The following CNGB3 variants were observed in gnomAD, a reference collection of about 807,000 sequenced individuals.
CNGB3 encodes the protein cyclic nucleotide gated channel subunit beta 3, also known as cyclic nucleotide-gated channel beta-3.
CNGB3 carries 86 observed loss-of-function variants against 92.8 expected under a neutral mutation model. That is an observed-to-expected ratio of 0.93 (90% CI 0.78 to 1.11). The LOEUF (loss-of-function observed/expected upper bound fraction) is 1.11, where lower values mean the gene tolerates loss of function less well. Among genes scored for constraint, CNGB3 ranks in the 50% least tolerant of loss-of-function variants. The probability of loss-of-function intolerance (pLI) is 0.00; values close to 1 mark genes in which losing one functional copy is unlikely to be tolerated. For synonymous variants in CNGB3, 333 were observed against 332.7 expected (o/e 1.00, Z -0.01); for missense variants, 1,026 against 956.8 (o/e 1.07, Z -0.95).
At chr8:86,608,365 C>A (rs970627141) in intron 14 of CNGB3, among the ~76,000 whole-genome samples, 2 of 152,240 alleles carry the variant, frequency 1.3e-5, no homozygotes, top group African/African-American at 4.8e-5. Context: ...GTGACGCCAG[C>A]GTCTGGGAAG....
rs184132765 is a variant in CNGB3 at position 86,727,282 on chromosome 8, T to C, written c.212-625A>G. On this transcript the variant is annotated intron_variant, in intron 2 of 17. Transcript: ENST00000320005. ...TATTGACAAAGCTGAGAATAAGAAT[T>C]TATTATTCAGAAGGCATTTCCAGTT... Among the ~76,000 whole-genome samples the C allele has an allele frequency of 3.5e-4, 53 of 152,276 alleles. 2 individuals are homozygous for C. The highest frequency in any genetic ancestry group is 3.3e-3 in the Admixed American group (50 of 15,284).
rs375741027 is a variant in CNGB3 at position 86,677,451 on chromosome 8, A to G, written c.339-6353T>C. Among the ~76,000 whole-genome samples, 28 of 152,326 alleles carry G rather than the reference A, an allele frequency of 1.8e-4. No individual in the cohort carries two copies. The East Asian group carries it at 3.3e-3, about 18-fold the overall frequency. Reference sequence around the variant, plus strand: ...AAAGCAGTTGAGAATTTAGGTCTGGAAATCGGAAGGGAGGACTGCGTGGTA... The same window carrying G: ...AAAGCAGTTGAGAATTTAGGTCTGGGAATCGGAAGGGAGGACTGCGTGGTA... On this transcript the variant is annotated intron_variant, in intron 3 of 17. Coordinates refer to ENST00000320005, the MANE Select transcript of CNGB3 (RefSeq NM_019098.5).
chr8:86,732,684 C>T (rs529600712), intron 2 of CNGB3, among the ~76,000 whole-genome samples: 11 of 152,276 alleles, frequency 7.2e-5, no homozygotes, highest in African/African-American at 2.6e-4. Flanking sequence ...GAATTTTCTT[C>T]ATCATCTCAA....
At chr8:86,729,602 C>T (rs1348229058) in intron 2 of CNGB3, among the ~76,000 whole-genome samples, 1 of 152,146 alleles carries the variant, frequency 6.6e-6, no homozygotes, top group East Asian at 1.9e-4. Flanking sequence ...CCAGTTATTT[C>T]CTATTCTTGG....
At chr8:86,649,465 A>C (rs1321699841) in intron 7 of CNGB3, among the ~76,000 whole-genome samples, 2 of 151,826 alleles carry the variant, frequency 1.3e-5, no homozygotes, top group Non-Finnish European at 3.0e-5. Flanking sequence ...AGACCAAAGG[A>C]ACAGAATAGA....
At chr8:86,587,525 G>C (rs1821924532) in intron 15 of CNGB3, among the ~76,000 whole-genome samples, 1 of 152,142 alleles carries the variant, frequency 6.6e-6, no homozygotes, top group Non-Finnish European at 1.5e-5. Context: ...TAAGGTGTAA[G>C]GAAGGGATCC....
chr8:86,742,656 G>T (rs1194799828), intron 1 of CNGB3, among the ~76,000 whole-genome samples: 1 of 152,118 alleles, frequency 6.6e-6, no homozygotes, highest in African/African-American at 2.4e-5. Flanking sequence ...ATTCTAGTGA[G>T]TAATTCACGA....
At chr8:86,706,116 T>C (rs16916907) in intron 3 of CNGB3, among the ~76,000 whole-genome samples, 88,610 of 152,084 alleles carry the variant, frequency 0.58, 26,555 homozygotes, top group South Asian at 0.74. Flanking sequence ...TAGTTTATAT[T>C]CTTTAGTGAA....
intron 3 of CNGB3, among the ~76,000 whole-genome samples, chr8:86,711,969 A>G (rs2131659466): frequency 6.6e-6 from 1 of 152,060 alleles, no homozygotes; most frequent in African/African-American, 2.4e-5. Flanking sequence ...TTTGAGTACC[A>G]GGATCACTGT....
intron 3 of CNGB3, among the ~76,000 whole-genome samples, chr8:86,672,885 G>A (rs1460241304): frequency 6.6e-6 from 1 of 152,184 alleles, no homozygotes; most frequent in Non-Finnish European, 1.5e-5. Context: ...ACATATAAAA[G>A]CCTACTTAAG....
intron 10 of CNGB3, among the ~76,000 whole-genome samples, chr8:86,641,987 T>C (rs4961205): frequency 0.17 from 26,234 of 151,638 alleles, 2,369 homozygotes; most frequent in Admixed American, 0.25. Context: ...AAGCTGAGAT[T>C]TCTTTCTTCT....
chr8:86,620,908 G>A (rs56115683), intron 13 of CNGB3, among the ~76,000 whole-genome samples: 4 of 151,772 alleles, frequency 2.6e-5, no homozygotes, highest in East Asian at 1.9e-4. Flanking sequence ...AAAAAAAAAA[G>A]TTTTTTTCAT....
intron 3 of CNGB3, among the ~76,000 whole-genome samples, chr8:86,700,150 A>T (rs1017149809): frequency 6.6e-6 from 1 of 152,230 alleles, no homozygotes; most frequent in Non-Finnish European, 1.5e-5. Context: ...GCAACATTGT[A>T]TGAGAAGCAA....
intron 3 of CNGB3, among the ~76,000 whole-genome samples, chr8:86,688,744 C>CT (rs577922277): frequency 1.8e-3 from 275 of 151,462 alleles, no homozygotes; most frequent in African/African-American, 6.4e-3. Flanking sequence ...TTTTGTTTAT[C>CT]TTTTTTTAAA....
intron 17 of CNGB3, 25 bp downstream of exon 17, chr8:86,578,664 C>G (rs1821702514): frequency 6.2e-7 from 1 of 1,611,950 alleles, no homozygotes; most frequent in Non-Finnish European, 8.5e-7. Context: ...TCCATGACAG[C>G]CGTCCATTCA....
At chr8:86,606,793 G>A (rs1158152259) in intron 14 of CNGB3, among the ~76,000 whole-genome samples, 4 of 152,142 alleles carry the variant, frequency 2.6e-5, no homozygotes, top group African/African-American at 9.7e-5. Context: ...AGTGTCTTGA[G>A]CAAACTTATA....
chr8:86,621,994 C>T (rs1372304860), intron 13 of CNGB3, among the ~76,000 whole-genome samples: 1 of 151,972 alleles, frequency 6.6e-6, no homozygotes. Context: ...TGCAGTGAGC[C>T]GAGATTGTGC....
intron 3 of CNGB3, chr8:86,704,161 A>G (rs543709701): frequency 6.6e-5 from 10 of 152,246 alleles, no homozygotes; most frequent in Non-Finnish European, 1.5e-4. Flanking sequence ...GCATTCTTAC[A>G]ATAAAGCAAG....
intron 7 of CNGB3, 102 bp from the exon 8 acceptor site, chr8:86,647,989 T>A (rs1305240317): frequency 1.3e-6 from 1 of 797,198 alleles, no homozygotes; most frequent in African/African-American, 1.7e-5. Flanking sequence ...TCACAATATA[T>A]TATTTGTTGT....
Sources: allele counts gnomAD v4.1 joint callset (sites outside exome capture counted in the v4.1 genomes callset), GRCh38; gene constraint gnomAD v4.1.1; transcripts MANE v1.5; gene names NCBI Gene and HGNC (gene_info 2026-07-23, HGNC 2026-07-21).